PCSK6: variants seen among roughly 807,000 people sequenced by gnomAD.
PCSK6 encodes proprotein convertase subtilisin/kexin type 6, also known as paired basic amino acid cleaving enzyme 4.
PCSK6 carries 85 observed loss-of-function variants against 123.3 expected under a neutral mutation model. The ratio of observed to expected loss-of-function variants is 0.69; its 90% CI spans 0.58 to 0.83. The LOEUF (loss-of-function observed/expected upper bound fraction) is 0.83, where lower values mean the gene tolerates loss of function less well. Among genes scored for constraint, PCSK6 ranks in the 40% least tolerant of loss-of-function variants. The probability of loss-of-function intolerance (pLI) is 0.00; values close to 1 mark genes in which losing one functional copy is unlikely to be tolerated. For synonymous variants in PCSK6, 508 were observed against 516.0 expected, an observed-to-expected ratio of 0.98 and a Z score of 0.21; for missense variants, 1,191 against 1,282.3, an observed-to-expected ratio of 0.93 and a Z score of 1.09.
At chr15:101,430,645 G>C (rs1390593950) in intron 4 of PCSK6, among the ~76,000 whole-genome samples, 1 of 152,198 alleles carries the variant, frequency 6.6e-6, no homozygotes, top group Non-Finnish European at 1.5e-5. Flanking sequence ...AAGGTTTCCA[G>C]TGTTGTTGAC....
intron 6 of PCSK6, among the ~76,000 whole-genome samples, chr15:101,407,582 G>A (rs1334887552): frequency 6.6e-6 from 1 of 152,204 alleles, no homozygotes; most frequent in Non-Finnish European, 1.5e-5. Flanking sequence ...AAGGCCAGGT[G>A]TCAGGCAGCT....
intron 7 of PCSK6, among the ~76,000 whole-genome samples, chr15:101,396,064 C>T (rs115034111): frequency 7.4e-4 from 113 of 152,234 alleles, no homozygotes; most frequent in African/African-American, 2.6e-3. Context: ...GGTTTGAGAT[C>T]ATCAAATTTC....
At chr15:101,322,930 A>C (rs1871977) in intron 17 of PCSK6, among the ~76,000 whole-genome samples, 101,191 of 151,740 alleles carry the variant, frequency 0.67, 34,058 homozygotes, top group East Asian at 0.76. Context: ...TCTTCATGAA[A>C]GTGGCCGGGT....
intron 4 of PCSK6, 137 bp downstream of exon 4, chr15:101,431,183 T>C (rs2643356): frequency 0.64 from 555,125 of 868,020 alleles, 180,723 homozygotes; most frequent in African/African-American, 0.71. Context: ...TCCTAATTCT[T>C]TCCAGCATAG....
At chr15:101,388,441 A>G (rs1161894713) in intron 9 of PCSK6, among the ~76,000 whole-genome samples, 32 of 152,224 alleles carry the variant, frequency 2.1e-4, no homozygotes, top group Non-Finnish European at 4.3e-4. Flanking sequence ...CTAAAGTACA[A>G]TTTGGTTTTG....
Position 101,398,883 on chromosome 15 carries a change from C to CTATTATTATTAT in PCSK6, c.824-319_824-308dup, listed in dbSNP as rs199661913. Reference sequence around the variant, plus strand: ...TGTTTTTTATTTTAAAAAACAAGACCTATTATTATTATTATTATTATTTAT... The same window carrying CTATTATTATTAT: ...TGTTTTTTATTTTAAAAAACAAGACCTATTATTATTATTATTATTATTATTATTATTATTTAT... On this transcript the variant is annotated intron_variant, in intron 6 of 21. Transcript: ENST00000611716. The surrounding 1 kb of genome is among the most constrained non-coding windows in gnomAD (Gnocchi z 4.6). Among the ~76,000 whole-genome samples, 313 of 150,676 alleles carry CTATTATTATTAT rather than the reference C, an allele frequency of 2.1e-3. No individual in the cohort carries two copies. The highest frequency in any genetic ancestry group is 7.4e-3 in the African/African-American group (302 of 40,854).
At chr15:101,329,922 C>T (rs1324901785) in intron 15 of PCSK6, among the ~76,000 whole-genome samples, 2 of 152,224 alleles carry the variant, frequency 1.3e-5, no homozygotes, top group Admixed American at 6.5e-5. Context: ...GCCCACGGTG[C>T]CTGCAGGCAC....
intron 7 of PCSK6, among the ~76,000 whole-genome samples, chr15:101,397,225 C>T (rs1227778655): frequency 2.0e-5 from 3 of 151,952 alleles, no homozygotes; most frequent in Non-Finnish European, 2.9e-5. Flanking sequence ...TCAACGCACC[C>T]AGGAAAGCCA....
At chr15:101,348,143 C>T (rs1475209536) in intron 13 of PCSK6, among the ~76,000 whole-genome samples, 1 of 150,230 alleles carries the variant, frequency 6.7e-6, no homozygotes, top group Admixed American at 6.7e-5. Context: ...GCCACAACCC[C>T]CGCCCCCCCG....
intron 11 of PCSK6, among the ~76,000 whole-genome samples, chr15:101,377,867 C>T (rs1413046977): frequency 6.6e-6 from 1 of 152,208 alleles, no homozygotes; most frequent in African/African-American, 2.4e-5. Flanking sequence ...CCAAGCTAAA[C>T]TGTAAGCTCT....
intron 1 of PCSK6, among the ~76,000 whole-genome samples, chr15:101,471,122 AAG>A (rs1405062982): frequency 3.3e-5 from 5 of 152,104 alleles, no homozygotes; most frequent in African/African-American, 4.8e-5. Context: ...TGCCTGGGGA[AAG>A]CCTAGCAAGT....
chr15:101,413,041 G>GGAC (rs1367627706), intron 6 of PCSK6, among the ~76,000 whole-genome samples: 1 of 150,512 alleles, frequency 6.6e-6, no homozygotes, highest in Non-Finnish European at 1.5e-5. Context: ...AGGAGGAGGA[G>GGAC]GAAAAAAAGT....
chr15:101,421,697 GACTACAATC>G (rs2056090171), intron 6 of PCSK6, among the ~76,000 whole-genome samples: 1 of 152,190 alleles, frequency 6.6e-6, no homozygotes. Flanking sequence ...CAAGTCTTCA[GACTACAATC>G]ACAGCCAACA....
chr15:101,393,377 G>A lies in PCSK6; in HGVS notation c.1044C>T (p.Gly348=), dbSNP rs755571481. The A allele has an allele frequency of 2.5e-6, 4 of 1,603,930 alleles. No homozygotes were observed. The highest frequency in any genetic ancestry group is 1.1e-5 in the South Asian group (1 of 90,118). Residue 348 remains glycine (G), a synonymous_variant, in exon 8 of 22, where the codon GGC becomes GGT. Transcript: ENST00000611716. ...ACGAGCAGTAGTCCCCCTCTCTCCC[G>A]CCATTCCCAGATGCCCAGACGAAAA... ...GSIFVWASGN[G]GREGDYCSCD... is the part of the protein sequence containing the mutation.
At chr15:101,350,292 T>C (rs1448158498) in intron 13 of PCSK6, among the ~76,000 whole-genome samples, 1 of 152,236 alleles carries the variant, frequency 6.6e-6, no homozygotes, top group East Asian at 1.9e-4. Context: ...GAATTGCTTT[T>C]CAGGATTTTG....
chr15:101,416,914 G>A (rs946148430), intron 6 of PCSK6, among the ~76,000 whole-genome samples: 1 of 152,208 alleles, frequency 6.6e-6, no homozygotes, highest in Non-Finnish European at 1.5e-5. Flanking sequence ...CAGGGGTGGG[G>A]CCCTCATGAA....
intron 1 of PCSK6, among the ~76,000 whole-genome samples, chr15:101,445,620 G>A (rs1178423883): frequency 6.6e-6 from 1 of 152,184 alleles, no homozygotes; most frequent in Non-Finnish European, 1.5e-5. Context: ...CACTAGAGCT[G>A]TTATTTAGCT....
intron 9 of PCSK6, among the ~76,000 whole-genome samples, chr15:101,386,603 A>C (rs2042070948): frequency 6.6e-6 from 1 of 152,186 alleles, no homozygotes; most frequent in African/African-American, 2.4e-5. Flanking sequence ...AAGTGGAACC[A>C]CACAGGATTT....
chr15:101,379,441 G>T (rs2041848891), intron 11 of PCSK6, among the ~76,000 whole-genome samples: 1 of 152,200 alleles, frequency 6.6e-6, no homozygotes, highest in Admixed American at 6.5e-5. Context: ...CACCAGGGTA[G>T]CATCCTCTCC....
Sources: allele counts gnomAD v4.1 joint callset (sites outside exome capture counted in the v4.1 genomes callset), GRCh38; gene constraint gnomAD v4.1.1; non-coding constraint Gnocchi (gnomAD v3.1); transcripts MANE v1.5; gene names NCBI Gene and HGNC (gene_info 2026-07-23, HGNC 2026-07-21).